The following CPQ variants were observed in gnomAD, a reference collection of about 807,000 sequenced individuals.
CPQ encodes Ser-Met dipeptidase.
A neutral mutation model predicts 45.7 loss-of-function variants in CPQ; 37 were observed. The observed-to-expected ratio is 0.81, with a 90% confidence interval of 0.62 to 1.07. The LOEUF (loss-of-function observed/expected upper bound fraction) is 1.07, where lower values mean the gene tolerates loss of function less well. Among genes scored for constraint, CPQ ranks in the 50% least tolerant of loss-of-function variants. The pLI is 0.00. For missense variants in CPQ, 537 were observed against 572.9 expected (o/e 0.94, Z 0.64); for synonymous variants, 186 against 205.8 (o/e 0.90, Z 0.82).
intron 2 of CPQ, among the ~76,000 whole-genome samples, chr8:96,795,719 T>G (rs1445652447): frequency 1.3e-5 from 2 of 152,084 alleles, no homozygotes; most frequent in Admixed American, 6.6e-5. Flanking sequence ...TTTTCTTATT[T>G]TTTTCTCTTC....
chr8:96,754,560 C>T (rs900791756), intron 1 of CPQ, among the ~76,000 whole-genome samples: 7 of 151,998 alleles, frequency 4.6e-5, no homozygotes, highest in Admixed American at 6.6e-5. Context: ...GGCCTAGAAC[C>T]AGTTTTGCAA....
At chr8:97,085,164 G>C (rs1203627999) in intron 7 of CPQ, among the ~76,000 whole-genome samples, 1 of 151,984 alleles carries the variant, frequency 6.6e-6, no homozygotes, top group Non-Finnish European at 1.5e-5. Context: ...AGGGAAGATT[G>C]CCTGAGCCTA....
chr8:96,898,801 G>A (rs1041214694), intron 4 of CPQ, among the ~76,000 whole-genome samples: 1 of 143,844 alleles, frequency 7.0e-6, no homozygotes, highest in Non-Finnish European at 1.5e-5. Flanking sequence ...AAAGTCAATA[G>A]TACTGCAGAA....
rs1035859221 is a variant in CPQ, at chr8:96,915,723, C to T, written c.849+35718C>T. The stretch of plus-strand genomic sequence containing the variant: ...CCTCTGTCCTCTATTTCAGGATGCT[C>T]GGCTCTAAATACACTGCTTGCCTCA... On this transcript the variant is annotated intron_variant, in intron 4 of 7. Coordinates refer to ENST00000220763, the MANE Select transcript of CPQ (RefSeq NM_016134.4). 1.2e-4 allele frequency among the ~76,000 whole-genome samples: 18 copies of T among 152,070 alleles called. 1 individual carries two copies. The highest frequency in any genetic ancestry group is 6.2e-4 in the South Asian group (3 of 4,826).
intron 7 of CPQ, among the ~76,000 whole-genome samples, chr8:97,134,451 A>G (rs1812014942): frequency 6.6e-6 from 1 of 152,244 alleles, no homozygotes; most frequent in Non-Finnish European, 1.5e-5. Context: ...GCAGGCCTGC[A>G]GAGTGTGGCC....
At chr8:96,998,406 A>G (rs1809211318) in intron 5 of CPQ, among the ~76,000 whole-genome samples, 1 of 151,912 alleles carries the variant, frequency 6.6e-6, no homozygotes, top group African/African-American at 2.4e-5. Context: ...TGGATCACGG[A>G]AATTAGAAAT....
intron 4 of CPQ, among the ~76,000 whole-genome samples, chr8:96,920,384 A>G (rs988692137): frequency 6.6e-6 from 1 of 152,204 alleles, no homozygotes; most frequent in African/African-American, 2.4e-5. Context: ...TTGCGAGGCC[A>G]TTGGCGGAAA....
chr8:96,958,079 G>T (rs1331377353), intron 4 of CPQ, among the ~76,000 whole-genome samples: 1 of 151,108 alleles, frequency 6.6e-6, no homozygotes, highest in Non-Finnish European at 1.5e-5. Flanking sequence ...GGCCTCAATT[G>T]ATCCTCCCTC....
chr8:97,013,577 A>G (rs1412894439), intron 5 of CPQ, among the ~76,000 whole-genome samples: 1 of 152,214 alleles, frequency 6.6e-6, no homozygotes, highest in East Asian at 1.9e-4. Flanking sequence ...TTGGAGCTGG[A>G]TCTTGTAAGA....
chr8:97,048,445 A>C (rs1392291405), intron 6 of CPQ, among the ~76,000 whole-genome samples: 1 of 152,228 alleles, frequency 6.6e-6, no homozygotes, highest in African/African-American at 2.4e-5. Context: ...CTAAACTCAA[A>C]GCACAAATAA....
rs143796546 is a variant in CPQ, at chr8:97,031,669, C to T, written c.1053+2175C>T. Among the ~76,000 whole-genome samples, 17 of 152,288 alleles carry T rather than the reference C, an allele frequency of 1.1e-4. No homozygotes were observed. In the East Asian group the frequency reaches 3.3e-3, roughly 29 times the overall value. Reference sequence around the variant, plus strand: ...GATGAAATCGGAAATGCCTAAAATTCTGAGGTTGGCAGAAATACACACACT... The same window carrying T: ...GATGAAATCGGAAATGCCTAAAATTTTGAGGTTGGCAGAAATACACACACT... On this transcript the variant is annotated intron_variant, in intron 6 of 7. Transcript: ENST00000220763.
intron 4 of CPQ, among the ~76,000 whole-genome samples, chr8:96,957,999 C>T (rs1364126269): frequency 8.1e-6 from 1 of 123,114 alleles, no homozygotes; most frequent in Non-Finnish European, 1.6e-5. Context: ...TGCACCACTA[C>T]ACCCGGCTAT....
chr8:96,793,944 T>G lies in CPQ; in HGVS notation c.433+8614T>G, dbSNP rs373459388. Among the ~76,000 whole-genome samples the G allele has an allele frequency of 2.3e-3, 348 of 152,308 alleles. 4 individuals are homozygous for G. Among genetic ancestry groups the G allele is most frequent in the African/African-American group, 8.2e-3 (340 of 41,572 alleles). On this transcript the variant is annotated intron_variant, in intron 2 of 7. Coordinates refer to ENST00000220763, the MANE Select transcript of CPQ (RefSeq NM_016134.4). ...AGGTCATGCCAATGCAAAATGTGGG[T>G]TGCCACGGTCTTGGGCAGCTCCATC...
At chr8:96,900,531 C>A (rs376301954) in intron 4 of CPQ, among the ~76,000 whole-genome samples, 2 of 152,106 alleles carry the variant, frequency 1.3e-5, no homozygotes, top group African/African-American at 4.8e-5. Context: ...GAAAGTTGAG[C>A]AATGTCTGCA....
chr8:96,821,960 A>G (rs1414217984), intron 2 of CPQ, among the ~76,000 whole-genome samples: 1 of 151,924 alleles, frequency 6.6e-6, no homozygotes, highest in African/African-American at 2.4e-5. Flanking sequence ...CAAGTATACA[A>G]TCTATTGTTA....
chr8:97,058,216 G>C (rs1810486255), intron 6 of CPQ, among the ~76,000 whole-genome samples: 1 of 152,064 alleles, frequency 6.6e-6, no homozygotes, highest in South Asian at 2.1e-4. Context: ...GTAAATATTT[G>C]GGTTCTAGAG....
chr8:96,825,082 G>T (rs948541447), intron 2 of CPQ, among the ~76,000 whole-genome samples: 3 of 151,980 alleles, frequency 2.0e-5, no homozygotes, highest in African/African-American at 7.2e-5. Flanking sequence ...GGTAGGATTG[G>T]CCCCTTACCC....
At chr8:96,715,809 C>T (rs993020678) in intron 1 of CPQ, among the ~76,000 whole-genome samples, 2 of 152,192 alleles carry the variant, frequency 1.3e-5, no homozygotes, top group Non-Finnish European at 2.9e-5. Flanking sequence ...ATAGGAGTCC[C>T]TGAGGGCCAG....
intron 1 of CPQ, among the ~76,000 whole-genome samples, chr8:96,705,206 ACT>A (rs1163166119): frequency 1.3e-5 from 2 of 151,674 alleles, no homozygotes; most frequent in Admixed American, 6.6e-5. Context: ...CTCTAATAAG[ACT>A]CTATTTAATT....
Sources: gnomAD v4.1 joint callset for allele counts (sites outside exome capture counted in the v4.1 genomes callset) on GRCh38, gnomAD v4.1.1 for gene constraint, MANE v1.5 for transcripts, NCBI Gene and HGNC (gene_info 2026-07-23, HGNC 2026-07-21) for gene names.